Variants in LSAMP observed in about 807,000 individuals in gnomAD.
LSAMP encodes limbic system associated membrane protein.
LSAMP carries 7 observed loss-of-function variants against 38.6 expected under a neutral mutation model. The ratio of observed to expected loss-of-function variants is 0.18; its 90% CI spans 0.10 to 0.34. The LOEUF is 0.34. Ranked by LOEUF, LSAMP falls within the 10% of genes least tolerant of loss-of-function variation. The pLI is 1.00. For missense variants in LSAMP, 313 were observed against 420.0 expected, an observed-to-expected ratio of 0.75 and a Z score of 2.23; for synonymous variants, 154 against 166.8, an observed-to-expected ratio of 0.92 and a Z score of 0.59.
At chr3:116,414,894 C>A (rs1054091740) in intron 1 of LSAMP, among the ~76,000 whole-genome samples, 5 of 152,084 alleles carry the variant, frequency 3.3e-5, no homozygotes, top group African/African-American at 1.2e-4. Context: ...TTCCTACAGG[C>A]CCTTCACTCT....
At chr3:116,427,158 G>A (rs1230978535) in intron 1 of LSAMP, among the ~76,000 whole-genome samples, 1 of 135,360 alleles carries the variant, frequency 7.4e-6, no homozygotes, top group Non-Finnish European at 1.5e-5. Context: ...CTGTCGCCCA[G>A]GCCGGACTGC....
At chr3:116,390,405 T>TG (rs2048677830) in intron 1 of LSAMP, among the ~76,000 whole-genome samples, 1 of 151,944 alleles carries the variant, frequency 6.6e-6, no homozygotes. Flanking sequence ...TCTGCAAGAA[T>TG]GGGGGTTAGT....
chr3:116,427,152 C>T (rs2049209413), intron 1 of LSAMP, among the ~76,000 whole-genome samples: 4 of 137,478 alleles, frequency 2.9e-5, no homozygotes, highest in Middle Eastern at 4.4e-3. Flanking sequence ...CTCGCTCTGT[C>T]GCCCAGGCCG....
intron 3 of LSAMP, among the ~76,000 whole-genome samples, chr3:116,017,304 T>A (rs956577463): frequency 3.9e-5 from 6 of 152,164 alleles, no homozygotes; most frequent in Admixed American, 6.6e-5. Flanking sequence ...CAAAAGAAAG[T>A]GTCTTTCTAT....
intron 3 of LSAMP, among the ~76,000 whole-genome samples, chr3:115,960,405 T>G (rs1371540211): frequency 6.6e-6 from 1 of 152,198 alleles, no homozygotes; most frequent in Non-Finnish European, 1.5e-5. Flanking sequence ...AGATTTCAAA[T>G]TTTAGTTTAA....
intron 3 of LSAMP, among the ~76,000 whole-genome samples, chr3:116,002,791 T>C (rs1318393611): frequency 6.6e-6 from 1 of 152,102 alleles, no homozygotes; most frequent in Non-Finnish European, 1.5e-5. Context: ...ATGTTAAATG[T>C]TTCTCTTTTA....
At chr3:116,414,656 G>A (rs2049024946) in intron 1 of LSAMP, among the ~76,000 whole-genome samples, 1 of 152,072 alleles carries the variant, frequency 6.6e-6, no homozygotes, top group South Asian at 2.1e-4. Context: ...GAGGAAAATG[G>A]AGTCTGAGAG....
chr3:115,925,614 T>C (rs993426199), intron 3 of LSAMP, among the ~76,000 whole-genome samples: 9 of 152,204 alleles, frequency 5.9e-5, no homozygotes, highest in African/African-American at 2.2e-4. Flanking sequence ...TCAGAGGCAT[T>C]GCAAAAATTT....
intron 3 of LSAMP, among the ~76,000 whole-genome samples, chr3:116,010,180 G>C (rs1293321472): frequency 6.6e-6 from 1 of 152,192 alleles, no homozygotes; most frequent in Non-Finnish European, 1.5e-5. Context: ...GCCTCCCAAA[G>C]TGCTGGGATT....
chr3:116,133,244 T>G (rs1424539431), intron 1 of LSAMP, among the ~76,000 whole-genome samples: 1 of 152,092 alleles, frequency 6.6e-6, no homozygotes, highest in African/African-American at 2.4e-5. Flanking sequence ...ACATTTACTT[T>G]TTTTTCCTTT....
chr3:116,167,402 C>T (rs1400765267), intron 1 of LSAMP, among the ~76,000 whole-genome samples: 1 of 152,148 alleles, frequency 6.6e-6, no homozygotes, highest in Non-Finnish European at 1.5e-5. Flanking sequence ...TTACACAAAT[C>T]CACTCATCCA....
chr3:115,803,183 G>A lies in LSAMP; in HGVS notation c.*7134C>T, dbSNP rs1328052103. On this transcript the variant is annotated 3_prime_UTR_variant, in exon 7 of 7. Coordinates refer to ENST00000490035, the MANE Select transcript of LSAMP (RefSeq NM_002338.5). ...GCACTGCCCAAAAAGAGGTACTTCT[G>A]AAATGACCATGAAAACGGGGAGTTG... is the stretch of plus-strand genomic sequence containing the variant. 6.6e-6 allele frequency: 1 copy of A among 152,244 alleles called. No homozygotes were observed. The highest frequency in any genetic ancestry group is 1.5e-5 in the Non-Finnish European group (1 of 68,072). The allele number at this position is 152,244 out of a possible 1,614,324, so 9.4% of individuals were successfully genotyped here.
intron 3 of LSAMP, among the ~76,000 whole-genome samples, chr3:115,857,889 A>T (rs1935556976): frequency 6.6e-6 from 1 of 152,194 alleles, no homozygotes; most frequent in Admixed American, 6.5e-5. Flanking sequence ...CCCAATGTGG[A>T]GGCAAATCAG....
At chr3:116,097,491 T>G (rs1002828245) in intron 1 of LSAMP, among the ~76,000 whole-genome samples, 18 of 152,234 alleles carry the variant, frequency 1.2e-4, no homozygotes, top group Non-Finnish European at 2.6e-4. Context: ...TTACATTACA[T>G]GCATTGAGAC....
chr3:116,158,528 C>T (rs1391182287), intron 1 of LSAMP, among the ~76,000 whole-genome samples: 2 of 151,994 alleles, frequency 1.3e-5, no homozygotes, highest in Admixed American at 6.6e-5. Flanking sequence ...GTATACAAAT[C>T]ATCAGTAGCA....
intron 3 of LSAMP, among the ~76,000 whole-genome samples, chr3:115,932,198 A>G (rs1937590999): frequency 6.6e-6 from 1 of 152,220 alleles, no homozygotes; most frequent in South Asian, 2.1e-4. Context: ...AACTTATAAG[A>G]AAGATACAAT....
intron 1 of LSAMP, among the ~76,000 whole-genome samples, chr3:116,396,480 T>C (rs2048769611): frequency 6.6e-6 from 1 of 152,240 alleles, no homozygotes; most frequent in African/African-American, 2.4e-5. Context: ...ACACTTATTT[T>C]CTTCAGCACT....
At chr3:116,066,750 A>C (rs1707450891) in intron 2 of LSAMP, among the ~76,000 whole-genome samples, 1 of 152,222 alleles carries the variant, frequency 6.6e-6, no homozygotes, top group Non-Finnish European at 1.5e-5. Flanking sequence ...AGTTCTTTAT[A>C]TGATAGCTCC....
chr3:116,439,640 A>G (rs1402752207), intron 1 of LSAMP, among the ~76,000 whole-genome samples: 2 of 152,248 alleles, frequency 1.3e-5, no homozygotes, highest in African/African-American at 2.4e-5. Flanking sequence ...GCACTTTATA[A>G]TTCAACAAAC....
Sources: gnomAD v4.1 joint callset for allele counts (sites outside exome capture counted in the v4.1 genomes callset) on GRCh38, gnomAD v4.1.1 for gene constraint, MANE v1.5 for transcripts, NCBI Gene and HGNC (gene_info 2026-07-23, HGNC 2026-07-21) for gene names.